RBMS3: variants seen among roughly 807,000 people sequenced by gnomAD.
The protein encoded by RBMS3 is RNA-binding motif, single-stranded-interacting protein 3.
In RBMS3, 27 loss-of-function variants were observed where a neutral mutation model predicts 66.8. The ratio of observed to expected loss-of-function variants is 0.40; its 90% confidence interval spans 0.30 to 0.56. The LOEUF (loss-of-function observed/expected upper bound fraction) is 0.56, where lower values mean the gene tolerates loss of function less well. RBMS3 is among the 20% of genes least tolerant of loss of function. RBMS3 has a pLI of 0.40. For missense variants in RBMS3, 513 were observed against 549.5 expected, an observed-to-expected ratio of 0.93 and a Z score of 0.66; for synonymous variants, 188 against 183.0, an observed-to-expected ratio of 1.03 and a Z score of -0.22.
intron 12 of RBMS3, among the ~76,000 whole-genome samples, chr3:29,986,022 G>A (rs917181250): frequency 6.6e-6 from 1 of 152,130 alleles, no homozygotes; most frequent in African/African-American, 2.4e-5. Flanking sequence ...GGGTGCCAGT[G>A]ACATCCTCTT....
chr3:29,699,312 G>T (rs1045461368), intron 4 of RBMS3, among the ~76,000 whole-genome samples: 2 of 152,160 alleles, frequency 1.3e-5, no homozygotes, highest in Admixed American at 6.5e-5. Context: ...GCCAAACCCA[G>T]CTAATTTTTG....
At chr3:29,483,909 C>T (rs2043230314) in intron 2 of RBMS3, among the ~76,000 whole-genome samples, 1 of 152,144 alleles carries the variant, frequency 6.6e-6, no homozygotes, top group Admixed American at 6.5e-5. Context: ...TTTTAGTTTG[C>T]ACAATAGACA....
intron 3 of RBMS3, among the ~76,000 whole-genome samples, chr3:29,546,962 G>C (rs902664554): frequency 6.6e-6 from 1 of 152,088 alleles, no homozygotes; most frequent in African/African-American, 2.4e-5. Context: ...ATTTTATTAA[G>C]TTTTATCTTT....
Position 29,631,130 on chromosome 3 carries a change from T to C in RBMS3, c.399+43925T>C, listed in dbSNP as rs2049267098. Among the ~76,000 whole-genome samples the C allele has an allele frequency of 2.6e-5, 4 of 151,996 alleles. No individual in the cohort carries two copies. In the South Asian group the frequency reaches 6.2e-4, roughly 24 times the overall value. On this transcript the variant is annotated intron_variant, in intron 4 of 14. Transcript: ENST00000383767. Reference sequence around the variant, plus strand: ...CTCAGAAAGTCAGAAACTTTTTCTCTTTCTCCTAATTGCATTATAACTATC... The same window carrying C: ...CTCAGAAAGTCAGAAACTTTTTCTCCTTCTCCTAATTGCATTATAACTATC...
intron 12 of RBMS3, among the ~76,000 whole-genome samples, chr3:29,958,329 C>T (rs1341369474): frequency 2.6e-5 from 4 of 151,962 alleles, no homozygotes; most frequent in Non-Finnish European, 4.4e-5. Context: ...TTGTTCCTGT[C>T]TTTGGATTTC....
chr3:29,677,647 G>A (rs1388021346), intron 4 of RBMS3, among the ~76,000 whole-genome samples: 4 of 152,004 alleles, frequency 2.6e-5, no homozygotes, highest in Admixed American at 6.6e-5. Flanking sequence ...TGAACTTGTG[G>A]CATTTTTCCA....
At position 29,459,189 on chromosome 3, in the gene RBMS3, A is replaced by G. The variant is rs112424800; in HGVS notation, c.248+24274A>G. Among the ~76,000 whole-genome samples the G allele has an allele frequency of 4.3e-3, 661 of 152,302 alleles. 8 individuals are homozygous for G. Among genetic ancestry groups the G allele is most frequent in the African/African-American group, 0.015 (628 of 41,560 alleles). The stretch of plus-strand genomic sequence containing the variant: ...CAAGATTCATTGATAAACATACATC[A>G]TATTTTCTTAATTATCATTAAGAAG... On this transcript the variant is annotated intron_variant, in intron 2 of 14. Coordinates refer to ENST00000383767, the MANE Select transcript of RBMS3 (RefSeq NM_001003793.3).
At chr3:29,549,509 C>T (rs1459978916) in intron 3 of RBMS3, among the ~76,000 whole-genome samples, 1 of 151,544 alleles carries the variant, frequency 6.6e-6, no homozygotes, top group Admixed American at 6.6e-5. Flanking sequence ...AAGCAACTCT[C>T]CTGTCTCAGC....
intron 1 of RBMS3, among the ~76,000 whole-genome samples, chr3:29,326,876 G>A (rs567641880): frequency 8.9e-4 from 136 of 151,970 alleles, no homozygotes; most frequent in African/African-American, 3.2e-3. Flanking sequence ...GACTACAGAC[G>A]TGCACCACCA....
At chr3:29,877,313 A>C (rs1022033146) in intron 7 of RBMS3, among the ~76,000 whole-genome samples, 9 of 152,220 alleles carry the variant, frequency 5.9e-5, no homozygotes, top group African/African-American at 2.2e-4. Context: ...GTCAAGTAAC[A>C]CTAAAGAAGA....
intron 14 of RBMS3, among the ~76,000 whole-genome samples, chr3:30,002,029 CA>C (rs1699637537): frequency 6.6e-6 from 1 of 151,942 alleles, no homozygotes; most frequent in South Asian, 2.1e-4. Context: ...CTTCAGCCAG[CA>C]AATATGAAGT....
intron 4 of RBMS3, among the ~76,000 whole-genome samples, chr3:29,704,388 C>T (rs2052778013): frequency 6.6e-6 from 1 of 152,154 alleles, no homozygotes; most frequent in Admixed American, 6.5e-5. Context: ...ATAAGTGTTT[C>T]CAGTGTTGAA....
At chr3:29,832,066 C>A (rs1576939847) in intron 6 of RBMS3, among the ~76,000 whole-genome samples, 1 of 151,982 alleles carries the variant, frequency 6.6e-6, no homozygotes, top group South Asian at 2.1e-4. Context: ...AATTATTGAA[C>A]CTGCTGTAAA....
At chr3:29,333,136 A>T (rs543233384) in intron 1 of RBMS3, among the ~76,000 whole-genome samples, 1 of 152,302 alleles carries the variant, frequency 6.6e-6, no homozygotes, top group South Asian at 2.1e-4. Flanking sequence ...ATCTGTATGT[A>T]TAGTAATATT....
chr3:29,614,858 A>G (rs575656466), intron 4 of RBMS3: 2 of 152,326 alleles, frequency 1.3e-5, no homozygotes, highest in African/African-American at 2.4e-5. Context: ...TCTGTGAAAA[A>G]TCAAAATGAC....
intron 3 of RBMS3, among the ~76,000 whole-genome samples, chr3:29,494,969 T>C (rs978246461): frequency 5.3e-5 from 8 of 151,820 alleles, no homozygotes; most frequent in Non-Finnish European, 1.2e-4. Flanking sequence ...CTTTTGCCTT[T>C]GTTGTCACAG....
intron 1 of RBMS3, among the ~76,000 whole-genome samples, chr3:29,356,736 G>A (rs1170906246): frequency 1.3e-5 from 2 of 152,146 alleles, no homozygotes; most frequent in Admixed American, 1.3e-4. Flanking sequence ...AAAGATGTGT[G>A]TGTTTGTCAG....
At chr3:29,744,949 C>T (rs548333431) in intron 5 of RBMS3, among the ~76,000 whole-genome samples, 3 of 152,248 alleles carry the variant, frequency 2.0e-5, no homozygotes, top group African/African-American at 7.2e-5. Context: ...TTGGTGACTT[C>T]TAACCATCAT....
At chr3:29,813,159 C>G (rs1279043882) in intron 6 of RBMS3, among the ~76,000 whole-genome samples, 1 of 151,946 alleles carries the variant, frequency 6.6e-6, no homozygotes, top group Admixed American at 6.6e-5. Flanking sequence ...TGTGGCTACA[C>G]CTTTTCATAG....
Sources: gnomAD v4.1 joint callset for allele counts (sites outside exome capture counted in the v4.1 genomes callset) on GRCh38, gnomAD v4.1.1 for gene constraint, MANE v1.5 for transcripts, NCBI Gene and HGNC (gene_info 2026-07-23, HGNC 2026-07-21) for gene names.